SCAPER: variants seen among roughly 807,000 people sequenced by gnomAD.
The protein encoded by SCAPER is S-phase cyclin A associated protein in the ER.
Under a neutral mutation model 182.2 loss-of-function variants are expected in SCAPER, and 98 were observed. That is an observed-to-expected ratio of 0.54 (90% CI 0.46 to 0.64). The LOEUF (loss-of-function observed/expected upper bound fraction) is 0.64. Ranked by LOEUF, SCAPER falls within the 30% of genes least tolerant of loss-of-function variation. The pLI is 0.00. For missense variants in SCAPER, 1,432 were observed against 1,690.0 expected, an observed-to-expected ratio of 0.85 and a Z score of 2.68; for synonymous variants, 605 against 564.6, an observed-to-expected ratio of 1.07 and a Z score of -1.01.
intron 25 of SCAPER, among the ~76,000 whole-genome samples, chr15:76,448,598 TTATG>T (rs1218001592): frequency 6.6e-6 from 1 of 152,124 alleles, no homozygotes; most frequent in African/African-American, 2.4e-5. Context: ...GAAACCCTGT[TTATG>T]AAGATTGTAC....
chr15:76,654,300 C>T (rs1385378357), intron 21 of SCAPER, among the ~76,000 whole-genome samples: 2 of 151,888 alleles, frequency 1.3e-5, no homozygotes, highest in African/African-American at 4.8e-5. Context: ...CCCAGCTACT[C>T]GGGAGGCTGA....
chr15:76,765,637 G>T lies in SCAPER; in HGVS notation c.1421C>A (p.Ala474Asp). The T allele has an allele frequency of 6.4e-7, 1 of 1,572,296 alleles. No homozygotes were observed. The highest frequency in any genetic ancestry group is 8.6e-7 in the Non-Finnish European group (1 of 1,157,442). The change falls in exon 12 of 32, where the codon GCC becomes GAC. Residue 474 changes from alanine to aspartate, a missense_variant and splice_region_variant. Transcript: ENST00000563290. ...AGAAACACTCCCACTGCCCATGCTG[G>T]CCTAAAATGTAATAAGGGAAGTTGA... is the stretch of plus-strand genomic sequence containing the variant. ...IETDNDSDFS[A>D]SMGSGSVSFC...
chr15:76,903,939 AAC>A (rs1409245873), intron 1 of SCAPER, among the ~76,000 whole-genome samples: 1 of 152,230 alleles, frequency 6.6e-6, no homozygotes, highest in East Asian at 1.9e-4. Flanking sequence ...TCAAACTCAA[AAC>A]AGTCTGCCTT....
At chr15:76,654,740 T>C (rs985812331) in intron 21 of SCAPER, among the ~76,000 whole-genome samples, 2 of 152,226 alleles carry the variant, frequency 1.3e-5, no homozygotes, top group African/African-American at 4.8e-5. Flanking sequence ...GGCATCCTGC[T>C]TTCCCTGGCC....
intron 5 of SCAPER, among the ~76,000 whole-genome samples, chr15:76,834,864 T>C (rs764061203): frequency 6.6e-6 from 1 of 151,502 alleles, no homozygotes; most frequent in African/African-American, 2.4e-5. Context: ...GAAACTGAAA[T>C]CCTGAATAAA....
rs1411534086 is a variant in SCAPER, at chr15:76,494,705, ATAATT to A, written c.2954+10149_2954+10153del. Among the ~76,000 whole-genome samples, 9 of 152,264 alleles carry A rather than the reference ATAATT, an allele frequency of 5.9e-5. No individual in the cohort carries two copies. In the South Asian group the frequency reaches 1.9e-3, roughly 32 times the overall value. On this transcript the variant is annotated intron_variant, in intron 24 of 31. Transcript: ENST00000563290. The stretch of plus-strand genomic sequence containing the variant: ...AATAGTACTTTTTGCTTACTCTTAA[ATAATT>A]TAATTGTTTTGTTGTGTAGTATAGA...
intron 21 of SCAPER, among the ~76,000 whole-genome samples, chr15:76,631,169 C>T (rs34478400): frequency 0.38 from 58,068 of 151,888 alleles, 13,091 homozygotes; most frequent in Middle Eastern, 0.52. Context: ...CTTTTATTTT[C>T]GGTCTATGTG....
At chr15:76,863,666 C>T (rs147669990) in intron 2 of SCAPER, among the ~76,000 whole-genome samples, 1 of 152,200 alleles carries the variant, frequency 6.6e-6, no homozygotes, top group East Asian at 1.9e-4. Flanking sequence ...AAGATGCCTC[C>T]CTTGGCCCCA....
chr15:76,706,358 C>T (rs1056325151), intron 17 of SCAPER, among the ~76,000 whole-genome samples: 2 of 151,874 alleles, frequency 1.3e-5, no homozygotes, highest in Admixed American at 6.6e-5. Context: ...GAAATAATCA[C>T]AAAAAATGGA....
intron 23 of SCAPER, among the ~76,000 whole-genome samples, chr15:76,564,358 A>G (rs1038731505): frequency 3.3e-5 from 5 of 152,130 alleles, no homozygotes; most frequent in Non-Finnish European, 7.4e-5. Context: ...TAGCATTCCT[A>G]CACACCAACA....
chr15:76,714,759 A>C (rs1567892477), intron 17 of SCAPER, among the ~76,000 whole-genome samples: 1 of 152,196 alleles, frequency 6.6e-6, no homozygotes. Flanking sequence ...CTTACTCCTC[A>C]GGTTAAAAAC....
chr15:76,420,235 CTTTTTTTTTT>C lies in SCAPER; in HGVS notation c.3311+13833_3311+13842del, dbSNP rs71143323. On this transcript the variant is annotated intron_variant, in intron 26 of 31. Transcript: ENST00000563290. ...TTCACCCCTCTATAGATGTTTTTTC[CTTTTTTTTTT>C]TTTTTTTTTTTATAGAGATGGGGTC... is the stretch of plus-strand genomic sequence containing the variant. Among the ~76,000 whole-genome samples the C allele has an allele frequency of 6.4e-4, 75 of 116,918 alleles. 2 individuals carry two copies. The highest frequency in any genetic ancestry group is 5.3e-3 in the Admixed American group (56 of 10,564). 76.7% of individuals were successfully genotyped at this position (116,918 alleles called of 152,430 possible). A position where few individuals can be genotyped will look rare whatever the true frequency, so the allele number is the denominator to read the frequency against.
intron 8 of SCAPER, among the ~76,000 whole-genome samples, chr15:76,795,041 CCT>C (rs1349397977): frequency 6.6e-6 from 1 of 152,102 alleles, no homozygotes; most frequent in Non-Finnish European, 1.5e-5. Flanking sequence ...AAACAAAAGA[CCT>C]CATTCTCTTT....
intron 21 of SCAPER, among the ~76,000 whole-genome samples, chr15:76,649,698 C>A (rs2054856916): frequency 1.5e-5 from 2 of 133,654 alleles, no homozygotes; most frequent in Non-Finnish European, 1.7e-5. Flanking sequence ...ACAACCAAAG[C>A]CATTAAAAAA....
intron 24 of SCAPER, among the ~76,000 whole-genome samples, chr15:76,503,486 T>C (rs1193596442): frequency 6.6e-6 from 1 of 152,242 alleles, no homozygotes; most frequent in Non-Finnish European, 1.5e-5. Flanking sequence ...AGCTTGTACT[T>C]AGAAATATCT....
intron 25 of SCAPER, among the ~76,000 whole-genome samples, chr15:76,437,104 TC>T (rs2047248775): frequency 6.6e-6 from 1 of 152,182 alleles, no homozygotes; most frequent in South Asian, 2.1e-4. Context: ...GAAACTGGTG[TC>T]TTCTCTGAGG....
Position 76,774,820 on chromosome 15 carries a change from A to C in SCAPER, c.1035+35T>G, listed in dbSNP as rs752915422. The C allele has an allele frequency of 1.9e-6, 3 of 1,575,976 alleles. No homozygotes were observed. The South Asian group carries it at 3.6e-5, about 19-fold the overall frequency. The stretch of plus-strand genomic sequence containing the variant: ...GTACACATGTACACATACACCTTTG[A>C]AAAAGACAGTAAAAGGATTTTCAGA... On this transcript the variant is annotated intron_variant, in intron 9 of 31. Transcript: ENST00000563290.
At chr15:76,505,497 C>T (rs2041492491) in intron 23 of SCAPER, among the ~76,000 whole-genome samples, 1 of 152,074 alleles carries the variant, frequency 6.6e-6, no homozygotes. Context: ...GGAAAAGGTG[C>T]CCAACATCAC....
In SCAPER at chr15:76,369,902, CT is replaced by C. The variant is rs976837102; in HGVS notation, c.3855+6259del. On this transcript the variant is annotated intron_variant, in intron 29 of 31. Transcript: ENST00000563290. The stretch of plus-strand genomic sequence containing the variant: ...ACAGCCTTTAGTGCATGTAAATCAA[CT>C]GTGGCTGAAGATGGCATCACAGAGC... Among the ~76,000 whole-genome samples the C allele has an allele frequency of 6.6e-4, 100 of 152,324 alleles. 1 individual carries two copies. The highest frequency in any genetic ancestry group is 6.5e-4 in the Admixed American group (10 of 15,298).
Sources: allele counts gnomAD v4.1 joint callset (sites outside exome capture counted in the v4.1 genomes callset), GRCh38; gene constraint gnomAD v4.1.1; transcripts MANE v1.5; gene names NCBI Gene and HGNC (gene_info 2026-07-23, HGNC 2026-07-21).